F5: variants seen among roughly 807,000 people sequenced by gnomAD.
F5 encodes coagulation factor V, also known as activated protein c cofactor.
Under a neutral mutation model 216.4 loss-of-function variants are expected in F5, and 138 were observed. The ratio of observed to expected loss-of-function variants is 0.64; its 90% CI spans 0.56 to 0.73. The LOEUF is 0.73. Ranked by LOEUF, F5 falls within the 30% of genes least tolerant of loss-of-function variation. F5 has a pLI of 0.00. For missense variants in F5, 2,403 were observed against 2,674.0 expected (o/e 0.90, Z 2.24); for synonymous variants, 916 against 930.7 (o/e 0.98, Z 0.29).
intron 17 of F5, among the ~76,000 whole-genome samples, chr1:169,526,548 T>C (rs1304269162): frequency 6.6e-6 from 1 of 152,190 alleles, no homozygotes; most frequent in African/African-American, 2.4e-5. Flanking sequence ...TGGCTATCCA[T>C]TCTGGTATTT....
Position 169,540,799 on chromosome 1 carries a change from G to T in F5, c.4291C>A (p.Pro1431Thr). The T allele has an allele frequency of 1.2e-6, 2 of 1,614,026 alleles. No individual in the cohort carries two copies. The highest frequency in any genetic ancestry group is 1.1e-5 in the South Asian group (1 of 91,074). Residue 1431 changes from proline to threonine, a missense_variant, in exon 13 of 25, where the codon CCA becomes ACA. Pro to Thr is a conservative substitution (Grantham distance 38, BLOSUM62 -1). Around this residue, in one of 4 missense-constraint regions of F5, gnomAD observed 293 missense variants for 270.8 expected, o/e 1.08. Coordinates refer to ENST00000367797, the MANE Select transcript of F5 (RefSeq NM_000130.5). ...SPNFGQMSLS[P>T]DLSQVTLSPD... ...GAGAGAGTCACCTGGCTGAGGTCTG[G>T]GGAAAGGGACATCTGACCAAAGTTT...
At chr1:169,546,292 G>T in intron 11 of F5, 150 bp downstream of exon 11, 1 of 946,050 alleles carries the variant, frequency 1.1e-6, no homozygotes. Flanking sequence ...TGTCACCCAC[G>T]GATTTCATCA....
Position 169,549,433 on chromosome 1 carries a change from C to A in F5, c.1611+368G>T, listed in dbSNP as rs542355141. On this transcript the variant is annotated intron_variant, in intron 10 of 24. Transcript: ENST00000367797. ...GCTTTATACTTTTACCAGATGGTAT[C>A]TCACTGAACCCCCAAACAGACCTGT... 3.8e-4 allele frequency among the ~76,000 whole-genome samples: 58 copies of A among 152,258 alleles called. No homozygotes were observed. The East Asian group carries it at 9.9e-3, about 26-fold the overall frequency.
At chr1:169,517,495 G>A (rs959591286) in intron 23 of F5, among the ~76,000 whole-genome samples, 3 of 152,104 alleles carry the variant, frequency 2.0e-5, no homozygotes, top group Non-Finnish European at 4.4e-5. Flanking sequence ...TTGGAGTGTA[G>A]GTATCTTAAG....
rs751534848 is a variant in F5, at chr1:169,541,478, G to C, written c.3612C>G (p.Leu1204=). The C allele has an allele frequency of 6.2e-7, 1 of 1,613,566 alleles. No homozygotes were observed. Among genetic ancestry groups the C allele is most frequent in the East Asian group, 2.2e-5 (1 of 44,870 alleles). ...GAGTCGTGTGGCTGAGGTCTGGAGA[G>C]AGGTTTGTCTGGCTGAGTTCTGGAG... ...TLSPELSQTN[L]SPDLSHTTLS... The change falls in exon 13 of 25, where the codon CTC becomes CTG. Residue 1204 remains leucine (L), a synonymous_variant. Coordinates refer to ENST00000367797, the MANE Select transcript of F5 (RefSeq NM_000130.5).
At chr1:169,582,993 G>A (rs1661022293) in intron 1 of F5, among the ~76,000 whole-genome samples, 1 of 152,176 alleles carries the variant, frequency 6.6e-6, no homozygotes, top group African/African-American at 2.4e-5. Context: ...GATGGCTAAT[G>A]GGGTAAAAGC....
At position 169,542,564 on chromosome 1, in the gene F5, TG is replaced by T. The variant is rs1283191786; in HGVS notation, c.2525del (p.Pro842GlnfsTer29). On this transcript the variant is annotated frameshift_variant, in exon 13 of 25. Coordinates refer to ENST00000367797, the MANE Select transcript of F5 (RefSeq NM_000130.5). LOFTEE classifies it high-confidence loss of function. ...AAAGTAGACGTATCCCTGTGACATCTGGCTGTAGAGGATCCTCTATAGGGTC... is the reference window on the plus strand; with the variant it reads ...AAAGTAGACGTATCCCTGTGACATCTGCTGTAGAGGATCCTCTATAGGGTC... Reference protein sequence around the residue: ...SEDPIEDPLQPDVTGIRLLSL... With the variant: ...SEDPIEDPLQXDVTGIRLLSL... 6.2e-7 allele frequency: 1 copy of T among 1,614,100 alleles called. No homozygotes were observed. Among genetic ancestry groups the T allele is most frequent in the East Asian group, 2.2e-5 (1 of 44,874 alleles).
intron 17 of F5, among the ~76,000 whole-genome samples, chr1:169,527,082 C>T (rs1307244352): frequency 6.6e-6 from 1 of 152,114 alleles, no homozygotes; most frequent in African/African-American, 2.4e-5. Flanking sequence ...TCACTAACTC[C>T]TCAGGCAGCA....
At chr1:169,561,177 G>A (rs1660476687) in intron 3 of F5, among the ~76,000 whole-genome samples, 1 of 152,116 alleles carries the variant, frequency 6.6e-6, no homozygotes, top group South Asian at 2.1e-4. Context: ...AGTCAGAGCT[G>A]TTTATGTATT....
At position 169,542,324 on chromosome 1, in the gene F5, C is replaced by T. The variant is rs1456829099; in HGVS notation, c.2766G>A (p.Arg922=). 1.3e-6 allele frequency: 2 copies of T among 1,599,598 alleles called. No homozygotes were observed. Among genetic ancestry groups the T allele is most frequent in the South Asian group, 2.2e-5 (2 of 90,014 alleles). The part of the protein sequence containing the change: ...SQDTGSPSRM[R]PWKDPPSDLL... ...GATCACTAGGAGGGTCCTTCCAGGGCCTCATTCTGGAAGGAGAACCAGTGT... is the reference window on the plus strand; with the variant it reads ...GATCACTAGGAGGGTCCTTCCAGGGTCTCATTCTGGAAGGAGAACCAGTGT... The change falls in exon 13 of 25, where the codon AGG becomes AGA. Residue 922 remains arginine (R), a synonymous_variant. Coordinates refer to ENST00000367797, the MANE Select transcript of F5 (RefSeq NM_000130.5).
In F5 at chr1:169,513,069, G is replaced by A. The variant is rs1659067901; in HGVS notation, c.*1244C>T. On this transcript the variant is annotated 3_prime_UTR_variant, in exon 25 of 25. Transcript: ENST00000367797. ...GGTTGTTCAGTTTCCATGTAGTTGT[G>A]TGGTTTCGAGTGAGTTTCTTAGTCC... Among the ~76,000 whole-genome samples, 1 of 151,748 alleles carries A rather than the reference G, an allele frequency of 6.6e-6. No individual in the cohort carries two copies. Among genetic ancestry groups the A allele is most frequent in the Non-Finnish European group, 1.5e-5 (1 of 67,938 alleles).
intron 18 of F5, among the ~76,000 whole-genome samples, chr1:169,525,264 A>AG (rs1265459295): frequency 6.6e-6 from 1 of 152,118 alleles, no homozygotes; most frequent in African/African-American, 2.4e-5. Context: ...TGGGAGGCCG[A>AG]GGGGGGAGGA....
chr1:169,537,478 A>G (rs9332612), intron 13 of F5, among the ~76,000 whole-genome samples: 9 of 152,218 alleles, frequency 5.9e-5, no homozygotes, highest in African/African-American at 2.2e-4. Context: ...AAAAGCAGAA[A>G]TAGACAAATG....
chr1:169,528,168 G>A (rs1571564361), intron 16 of F5, 74 bp from the exon 17 acceptor site: 2 of 1,565,012 alleles, frequency 1.3e-6, no homozygotes, highest in Non-Finnish European at 1.7e-6. Flanking sequence ...GAAATATGGG[G>A]CAACCCACTC....
rs1370724345 is a variant in F5 at position 169,540,859 on chromosome 1, G to A, written c.4231C>T (p.Leu1411Phe). Residue 1411 changes from leucine to phenylalanine, a missense_variant, in exon 13 of 25, where the codon CTT (leucine) becomes TTT (phenylalanine). Physicochemically the swap from Leu to Phe is conservative, Grantham distance 22. Coordinates refer to ENST00000367797, the MANE Select transcript of F5 (RefSeq NM_000130.5). ...PLTPDLDQMT[L>F]SPDLGETDLS... Reference sequence around the variant, plus strand: ...TCTGTCTCACCAAGGTCTGGAGAAAGTGTCATCTGGTCGAGGTCTGGGGTA... The same window carrying A: ...TCTGTCTCACCAAGGTCTGGAGAAAATGTCATCTGGTCGAGGTCTGGGGTA... 6.2e-7 allele frequency: 1 copy of A among 1,612,064 alleles called. No homozygotes were observed. Among genetic ancestry groups the A allele is most frequent in the Admixed American group, 1.7e-5 (1 of 59,462 alleles).
rs774278473 is a variant in F5, at chr1:169,542,164, G to C, written c.2926C>G (p.Gln976Glu). 12 of 1,614,040 alleles carry C rather than the reference G, an allele frequency of 7.4e-6. No homozygotes were observed. The South Asian group carries it at 1.3e-4, about 18-fold the overall frequency. Residue 976 changes from glutamine to glutamate, a missense_variant, in exon 13 of 25, where the codon CAG (glutamine) becomes GAG (glutamate). Gln to Glu is a conservative substitution (Grantham distance 29). This residue lies in a region of F5 where 1,425 missense variants were observed against 1,554.8 expected (regional missense o/e 0.92). Transcript: ENST00000367797. Reference sequence around the variant, plus strand: ...TCTCCCCAAGCACGTGAGGCATTCTGGGGGCTGATCAGCCAATTGTTAACA... The same window carrying C: ...TCTCCCCAAGCACGTGAGGCATTCTCGGGGCTGATCAGCCAATTGTTAACA... ...TAVNNWLISP[Q>E]NASRAWGEST...
In F5 at chr1:169,540,748, G is replaced by A. The variant is rs1659814748; in HGVS notation, c.4342C>T (p.Leu1448Phe). 1 of 1,613,920 alleles carries A rather than the reference G, an allele frequency of 6.2e-7. No individual in the cohort carries two copies. The highest frequency in any genetic ancestry group is 8.5e-7 in the Non-Finnish European group (1 of 1,179,972). ...LSPDISDTTL[L>F]PDLSQISPPP... ...GGTGATATCTGGCTGAGATCCGGGA[G>A]AAGGGTGGTGTCACTGATGTCTGGA... is the stretch of plus-strand genomic sequence containing the variant. Residue 1448 changes from leucine to phenylalanine, a missense_variant, in exon 13 of 25, where the codon CTC becomes TTC. Physicochemically the swap from Leu to Phe is conservative, Grantham distance 22. Around this residue, in one of 4 missense-constraint regions of F5, gnomAD observed 293 missense variants for 270.8 expected, o/e 1.08. Transcript: ENST00000367797.
At chr1:169,569,918 G>A (rs1660687815) in intron 3 of F5, among the ~76,000 whole-genome samples, 1 of 152,032 alleles carries the variant, frequency 6.6e-6, no homozygotes, top group Non-Finnish European at 1.5e-5. Flanking sequence ...AAACCACAGA[G>A]GGAGGCTATA....
rs79717313 is a variant in F5 at position 169,523,012 on chromosome 1, CTCTT to C, written c.6048+181_6048+184del. Among the ~76,000 whole-genome samples, 12,754 of 152,128 alleles carry C rather than the reference CTCTT, an allele frequency of 0.084. 1,610 individuals are homozygous for C. The highest frequency in any genetic ancestry group is 0.63 in the East Asian group (3,232 of 5,132). ...TTGAAGTTTCAGTAACCCTGCTTCT[CTCTT>C]TAATTTGTAAGACACAGACCTATCA... is the stretch of plus-strand genomic sequence containing the variant. On this transcript the variant is annotated intron_variant, in intron 21 of 24. Transcript: ENST00000367797.
Sources: gnomAD v4.1 joint callset for allele counts (sites outside exome capture counted in the v4.1 genomes callset) on GRCh38, gnomAD v4.1.1 for gene constraint, gnomAD v4.1.1 regional missense constraint, MANE v1.5 for transcripts, NCBI Gene and HGNC (gene_info 2026-07-23, HGNC 2026-07-21) for gene names.